The following ARHGAP28 variants were observed in gnomAD, a reference collection of about 807,000 sequenced individuals.
The protein encoded by ARHGAP28 is rho GTPase-activating protein 28.
A neutral mutation model predicts 90.7 loss-of-function variants in ARHGAP28; 56 were observed. The ratio of observed to expected loss-of-function variants is 0.62; its 90% confidence interval spans 0.50 to 0.77. The LOEUF (loss-of-function observed/expected upper bound fraction) is 0.77, where lower values mean the gene tolerates loss of function less well. ARHGAP28 is among the 30% of genes least tolerant of loss of function. The pLI is 0.00. For synonymous variants in ARHGAP28, 308 were observed against 323.3 expected (o/e 0.95, Z 0.51); for missense variants, 869 against 900.9 (o/e 0.96, Z 0.45).
At chr18:6,758,124 C>A (rs2056127318) in intron 1 of ARHGAP28, among the ~76,000 whole-genome samples, 1 of 152,154 alleles carries the variant, frequency 6.6e-6, no homozygotes, top group South Asian at 2.1e-4. Context: ...TTCTTTTGAC[C>A]TGTGTCACTG....
chr18:6,734,001 G>A (rs1040325902), intron 1 of ARHGAP28, among the ~76,000 whole-genome samples: 17 of 152,146 alleles, frequency 1.1e-4, no homozygotes, highest in African/African-American at 2.7e-4. Context: ...CAACCACTGC[G>A]AAATTTATTC....
intron 6 of ARHGAP28, 21 bp from the exon 7 acceptor site, chr18:6,870,569 T>C: frequency 1.3e-6 from 2 of 1,588,176 alleles, no homozygotes; most frequent in Non-Finnish European, 1.7e-6. Flanking sequence ...AAATAGTCTG[T>C]ATTCTTTGTT....
At chr18:6,809,014 C>T (rs1176947806) in intron 1 of ARHGAP28, among the ~76,000 whole-genome samples, 9 of 152,206 alleles carry the variant, frequency 5.9e-5, no homozygotes, top group African/African-American at 1.2e-4. Context: ...CTAGCCAACT[C>T]GCCTTCCTGA....
intron 5 of ARHGAP28, among the ~76,000 whole-genome samples, chr18:6,865,885 C>T (rs1486454613): frequency 2.0e-5 from 3 of 152,124 alleles, no homozygotes; most frequent in Non-Finnish European, 4.4e-5. Context: ...AGTGAAAGCC[C>T]TGGTGAGAAA....
At chr18:6,908,625 AAC>A (rs1008930820) in intron 16 of ARHGAP28, among the ~76,000 whole-genome samples, 93 of 152,306 alleles carry the variant, frequency 6.1e-4, no homozygotes, top group African/African-American at 2.2e-3. Context: ...GGCAGTACTA[AAC>A]ACGCAGCTGC....
rs78645572 is a variant in ARHGAP28 at position 6,780,189 on chromosome 18, G to A, written c.123-44573G>A. ...GCAGAAGCGAGACCACTGAGCTGCTGCTTCTGGATAGAATTGGATCTTAAC... is the reference window on the plus strand; with the variant it reads ...GCAGAAGCGAGACCACTGAGCTGCTACTTCTGGATAGAATTGGATCTTAAC... On this transcript the variant is annotated intron_variant, in intron 1 of 17. Transcript: ENST00000383472. 3.9e-3 allele frequency among the ~76,000 whole-genome samples: 601 copies of A among 152,328 alleles called. 3 individuals are homozygous for A. Among genetic ancestry groups the A allele is most frequent in the African/African-American group, 0.011 (451 of 41,582 alleles).
At chr18:6,768,070 T>C (rs1344785448) in intron 1 of ARHGAP28, among the ~76,000 whole-genome samples, 1 of 152,234 alleles carries the variant, frequency 6.6e-6, no homozygotes, top group African/African-American at 2.4e-5. Context: ...TCTCTTGTTC[T>C]GCAGTTGATT....
At chr18:6,858,350 G>C (rs1166207654) in intron 4 of ARHGAP28, among the ~76,000 whole-genome samples, 2 of 151,978 alleles carry the variant, frequency 1.3e-5, no homozygotes, top group Non-Finnish European at 2.9e-5. Context: ...TTTAGGAAGA[G>C]ATTTTTATCT....
At chr18:6,789,071 A>G (rs1398433348) in intron 1 of ARHGAP28, 2 of 152,194 alleles carry the variant, frequency 1.3e-5, no homozygotes, top group Admixed American at 1.3e-4. Flanking sequence ...AAAGAAATCA[A>G]CCTTGAAAAA....
chr18:6,860,269 A>G (rs1430644456), intron 5 of ARHGAP28, among the ~76,000 whole-genome samples: 1 of 152,212 alleles, frequency 6.6e-6, no homozygotes, highest in Admixed American at 6.5e-5. Flanking sequence ...TACCCACAGG[A>G]TAAATTCAAA....
chr18:6,850,175 G>A (rs2056898545), intron 3 of ARHGAP28, among the ~76,000 whole-genome samples: 2 of 151,830 alleles, frequency 1.3e-5, no homozygotes, highest in Admixed American at 6.6e-5. Context: ...CCCCTTTATT[G>A]TTATACTTAG....
chr18:6,839,550 G>A (rs565467847), intron 3 of ARHGAP28, among the ~76,000 whole-genome samples: 7 of 152,244 alleles, frequency 4.6e-5, no homozygotes, highest in South Asian at 2.1e-4. Flanking sequence ...GCCTGCCTCG[G>A]CCTCCCAAAG....
At chr18:6,857,792 A>G (rs541221666) in intron 4 of ARHGAP28, among the ~76,000 whole-genome samples, 40 of 152,366 alleles carry the variant, frequency 2.6e-4, no homozygotes, top group Non-Finnish European at 5.1e-4. Context: ...GGGCCTCTAA[A>G]GTTTTCTGCA....
At chr18:6,873,619 A>G (rs769993182) in intron 8 of ARHGAP28, 45 bp downstream of exon 8, 6 of 1,609,048 alleles carry the variant, frequency 3.7e-6, no homozygotes, top group Non-Finnish European at 5.1e-6. Context: ...ACTTTGACAC[A>G]GTGGAATAAG....
At chr18:6,808,295 A>G (rs1365807783) in intron 1 of ARHGAP28, among the ~76,000 whole-genome samples, 1 of 151,970 alleles carries the variant, frequency 6.6e-6, no homozygotes, top group East Asian at 1.9e-4. Context: ...TTCATCATTT[A>G]TGTCTTCTTT....
chr18:6,753,549 A>T (rs972897357), intron 1 of ARHGAP28, among the ~76,000 whole-genome samples: 12 of 152,354 alleles, frequency 7.9e-5, no homozygotes, highest in African/African-American at 2.9e-4. Flanking sequence ...CCACACTTTG[A>T]AGAACATAAT....
Position 6,895,220 on chromosome 18 carries a change from G to A in ARHGAP28, c.1905+329G>A, listed in dbSNP as rs116304913. 3.0e-3 allele frequency among the ~76,000 whole-genome samples: 464 copies of A among 152,208 alleles called. 4 individuals carry two copies. Among genetic ancestry groups the A allele is most frequent in the African/African-American group, 0.011 (441 of 41,540 alleles). On this transcript the variant is annotated intron_variant, in intron 15 of 17. Transcript: ENST00000383472. ...ATGAAATAAGACATAGACGATCAAA[G>A]GTGAACTTTAGGAGTACAGTCTTGG...
At chr18:6,824,352 C>T (rs373216430) in intron 1 of ARHGAP28, among the ~76,000 whole-genome samples, 2 of 152,014 alleles carry the variant, frequency 1.3e-5, no homozygotes, top group East Asian at 1.9e-4. Context: ...GCCTGACCAA[C>T]GTGGTGAAAC....
At chr18:6,734,266 A>T (rs2143121355) in intron 1 of ARHGAP28, among the ~76,000 whole-genome samples, 1 of 152,352 alleles carries the variant, frequency 6.6e-6, no homozygotes, top group East Asian at 1.9e-4. Context: ...AACGTAGCTG[A>T]GGATAAAGCT....
Sources: allele counts gnomAD v4.1 joint callset (sites outside exome capture counted in the v4.1 genomes callset), GRCh38; gene constraint gnomAD v4.1.1; transcripts MANE v1.5; gene names NCBI Gene and HGNC (gene_info 2026-07-23, HGNC 2026-07-21).